Variants in DYSF observed in about 807,000 individuals in gnomAD.
DYSF encodes the protein dysferlin, also known as dystrophy-associated fer-1-like 1.
In DYSF, 212 loss-of-function variants were observed where a neutral mutation model predicts 274.9. The ratio of observed to expected loss-of-function variants is 0.77; its 90% CI spans 0.69 to 0.86. DYSF has a LOEUF of 0.86. Among genes scored for constraint, DYSF ranks in the 40% least tolerant of loss-of-function variants. The pLI, the probability that DYSF is intolerant of heterozygous loss-of-function variation, is 0.00. For synonymous variants in DYSF, 1,091 were observed against 1,078.7 expected (o/e 1.01, Z -0.22); for missense variants, 2,666 against 2,783.2 (o/e 0.96, Z 0.95).
intron 17 of DYSF, among the ~76,000 whole-genome samples, chr2:71,543,625 G>A (rs554105340): frequency 5.9e-5 from 9 of 152,336 alleles, no homozygotes; most frequent in East Asian, 1.9e-4. Flanking sequence ...CTCAGGAGGC[G>A]GAGGCTGGCA....
chr2:71,622,708 T>C (rs1356638670), intron 41 of DYSF, among the ~76,000 whole-genome samples: 3 of 152,152 alleles, frequency 2.0e-5, no homozygotes, highest in Non-Finnish European at 4.4e-5. Context: ...CTCTGCCTCC[T>C]GGGTTCAAGC....
intron 3 of DYSF, among the ~76,000 whole-genome samples, chr2:71,491,932 A>C (rs1006919660): frequency 6.6e-6 from 1 of 152,200 alleles, no homozygotes; most frequent in African/African-American, 2.4e-5. Context: ...AGAAGTTGGG[A>C]AAAGGCATAG....
intron 3 of DYSF, among the ~76,000 whole-genome samples, chr2:71,493,280 C>T (rs1440160755): frequency 1.3e-5 from 2 of 152,136 alleles, no homozygotes; most frequent in Non-Finnish European, 1.5e-5. Flanking sequence ...TTCCCTTTCC[C>T]TCTCCCCCAG....
At chr2:71,506,108 CAT>C (rs1157766931) in intron 4 of DYSF, among the ~76,000 whole-genome samples, 1 of 152,116 alleles carries the variant, frequency 6.6e-6, no homozygotes, top group Non-Finnish European at 1.5e-5. Flanking sequence ...ACACGGGACA[CAT>C]GTGTTAGGGG....
intron 17 of DYSF, among the ~76,000 whole-genome samples, chr2:71,541,886 T>TC (rs1361720770): frequency 6.6e-6 from 1 of 152,254 alleles, no homozygotes; most frequent in Non-Finnish European, 1.5e-5. Flanking sequence ...TTATCTTTTT[T>TC]CTTATAGTTT....
chr2:71,476,234 A>G (rs12477276), intron 1 of DYSF, among the ~76,000 whole-genome samples: 54,481 of 151,940 alleles, frequency 0.36, 10,043 homozygotes, highest in African/African-American at 0.41. Flanking sequence ...GGCAGCTAAT[A>G]CTACTGGCAC....
intron 1 of DYSF, among the ~76,000 whole-genome samples, chr2:71,468,870 C>T (rs563162583): frequency 1.3e-5 from 2 of 152,292 alleles, no homozygotes; most frequent in African/African-American, 4.8e-5. Flanking sequence ...ATTGGTTTGT[C>T]CCAGTGCTGA....
intron 16 of DYSF, among the ~76,000 whole-genome samples, chr2:71,537,630 G>A (rs13385668): frequency 0.047 from 7,085 of 152,138 alleles, 363 homozygotes; most frequent in African/African-American, 0.13. Context: ...ATGTAGTGCC[G>A]GCGATGGAAA....
rs1249938245 is a variant in DYSF at position 71,518,646 on chromosome 2, G to A, written c.1003-1532G>A. 1.3e-4 allele frequency among the ~76,000 whole-genome samples: 20 copies of A among 152,234 alleles called. No homozygotes were observed. In the East Asian group the frequency reaches 3.9e-3, roughly 29 times the overall value. ...TTTTCAAGGATTTCTCAAAAGGAAA[G>A]AAAGAGCACAAGCTTATTTTCCCCT... On this transcript the variant is annotated intron_variant, in intron 10 of 55. Transcript: ENST00000410020.
At position 71,609,224 on chromosome 2, in the gene DYSF, C is replaced by T. The variant is rs1477415924; in HGVS notation, c.3958-2021C>T. Among the ~76,000 whole-genome samples the T allele has an allele frequency of 3.3e-5, 5 of 152,302 alleles. No homozygotes were observed. In the South Asian group the frequency reaches 8.3e-4, roughly 25 times the overall value. On this transcript the variant is annotated intron_variant, in intron 36 of 55. Transcript: ENST00000410020. The stretch of plus-strand genomic sequence containing the variant: ...TGTGGACTGTGACATGCATAGCAGC[C>T]CCTGGAGCTGTGCACTGCAGCAGCC...
chr2:71,563,587 G>A (rs551154220), intron 23 of DYSF, among the ~76,000 whole-genome samples: 22 of 152,292 alleles, frequency 1.4e-4, no homozygotes, highest in African/African-American at 5.3e-4. Flanking sequence ...AGGAGGGTGT[G>A]TGTCCTCTGG....
At position 71,652,771 on chromosome 2, in the gene DYSF, A is replaced by G. The variant is rs112326904; in HGVS notation, c.4627-3391A>G. On this transcript the variant is annotated intron_variant, in intron 42 of 55. Transcript: ENST00000410020. ...GTTATGAAGCCACAGTGATTAAAAC[A>G]TGGTATTGGTGAAAAAACGCACAGA... 3.5e-4 allele frequency among the ~76,000 whole-genome samples: 53 copies of G among 152,352 alleles called. 1 individual carries two copies. Among genetic ancestry groups the G allele is most frequent in the African/African-American group, 1.0e-3 (42 of 41,590 alleles).
At chr2:71,507,227 T>C (rs9677918) in intron 4 of DYSF, among the ~76,000 whole-genome samples, 103,074 of 151,916 alleles carry the variant, frequency 0.68, 36,170 homozygotes, top group Non-Finnish European at 0.76. Flanking sequence ...GATAGCAGGG[T>C]GAGCCCCTAG....
chr2:71,561,405 G>A lies in DYSF; in HGVS notation c.2217-347G>A, dbSNP rs536373315. The stretch of plus-strand genomic sequence containing the variant: ...AGGAGGCAGGAGCAGGACCCCCTGG[G>A]CCCTCCGAGAGCCTGTAGTCAGTGG... On this transcript the variant is annotated intron_variant, in intron 22 of 55. Coordinates refer to ENST00000410020, the MANE Select transcript of DYSF (RefSeq NM_001130987.2). Among the ~76,000 whole-genome samples, 3 of 152,276 alleles carry A rather than the reference G, an allele frequency of 2.0e-5. No individual in the cohort carries two copies. In the East Asian group the frequency reaches 5.8e-4, roughly 29 times the overall value.
At chr2:71,570,026 G>A (rs1171057847) in intron 27 of DYSF, 92 bp downstream of exon 27, 17 of 1,264,676 alleles carry the variant, frequency 1.3e-5, no homozygotes, top group Non-Finnish European at 3.4e-6. Flanking sequence ...GTTTCTCTTT[G>A]CCCCCTCTTA....
In DYSF at chr2:71,569,838, C is replaced by T. The variant is rs143775913; in HGVS notation, c.2883C>T (p.Asp961=). The T allele has an allele frequency of 6.4e-5, 103 of 1,613,856 alleles. No homozygotes were observed. The highest frequency in any genetic ancestry group is 2.1e-4 in the African/African-American group (16 of 74,916). ...TCCACAGTCTGCTCCATGACATGGA[C>T]GCCGGTCACCTGAGCTTCGTGGAAG... ...CPEKTLLHDM[D]AGHLSFVEEV... Residue 961 remains aspartate (D), a synonymous_variant, in exon 27 of 56, where the codon GAC becomes GAT. Transcript: ENST00000410020.
chr2:71,622,866 T>G (rs1259117022), intron 41 of DYSF, among the ~76,000 whole-genome samples: 1 of 152,188 alleles, frequency 6.6e-6, no homozygotes, highest in Non-Finnish European at 1.5e-5. Flanking sequence ...CCACCCTCCT[T>G]GGCTTCCCAA....
intron 32 of DYSF, among the ~76,000 whole-genome samples, chr2:71,597,386 T>G (rs2093430705): frequency 6.6e-6 from 1 of 152,180 alleles, no homozygotes; most frequent in Non-Finnish European, 1.5e-5. Flanking sequence ...GGGAGTCCCC[T>G]TCTCCAAGCC....
Position 71,529,341 on chromosome 2 carries a change from A to G in DYSF, c.1380+940A>G, listed in dbSNP as rs147129709. The stretch of plus-strand genomic sequence containing the variant: ...TCCAGGAGCATTCCCTTGTCTCTCA[A>G]CTCATGGCATTGAATTTTTGAACAG... On this transcript the variant is annotated intron_variant, in intron 14 of 55. Transcript: ENST00000410020. 1.4e-3 allele frequency among the ~76,000 whole-genome samples: 215 copies of G among 152,152 alleles called. 1 individual carries two copies. Among genetic ancestry groups the G allele is most frequent in the Non-Finnish European group, 1.7e-3 (114 of 67,998 alleles).
Sources: allele counts gnomAD v4.1 joint callset (sites outside exome capture counted in the v4.1 genomes callset), GRCh38; gene constraint gnomAD v4.1.1; transcripts MANE v1.5; gene names NCBI Gene and HGNC (gene_info 2026-07-23, HGNC 2026-07-21).